KLHL29: variants seen among roughly 807,000 people sequenced by gnomAD.
The protein encoded by KLHL29 is kelch like family member 29.
In KLHL29, 21 loss-of-function variants were observed where a neutral mutation model predicts 80.4. That is an observed-to-expected ratio of 0.26 (90% confidence interval 0.19 to 0.38). The LOEUF is 0.38. Among genes scored for constraint, KLHL29 ranks in the 10% least tolerant of loss-of-function variants. The probability of loss-of-function intolerance (pLI) is 1.00; values close to 1 mark genes in which losing one functional copy is unlikely to be tolerated. For synonymous variants in KLHL29, 511 were observed against 526.8 expected (o/e 0.97, Z 0.41); for missense variants, 867 against 1,223.9 (o/e 0.71, Z 4.35).
At position 23,609,011 on chromosome 2, in the gene KLHL29, C is replaced by T. The variant is rs568495693; in HGVS notation, c.286-30128C>T. The stretch of plus-strand genomic sequence containing the variant: ...TGGAGGTTTAGTATGAGAGCTCATT[C>T]GAGAAGATTCTCCACTGAGAGTTGA... On this transcript the variant is annotated intron_variant, in intron 3 of 13. Transcript: ENST00000486442. 1.8e-4 allele frequency among the ~76,000 whole-genome samples: 28 copies of T among 152,284 alleles called. No individual in the cohort carries two copies. In the South Asian group the frequency reaches 4.8e-3, roughly 26 times the overall value.
chr2:23,675,357 C>T lies in KLHL29; in HGVS notation c.941-9042C>T, dbSNP rs77232152. 1.9e-3 allele frequency among the ~76,000 whole-genome samples: 296 copies of T among 152,294 alleles called. 2 individuals are homozygous for T. The highest frequency in any genetic ancestry group is 6.8e-3 in the African/African-American group (283 of 41,562). ...CCCACCCCCACCTCTGCAATGCCCA[C>T]CCTCTGGCCAGGTTCCTTGGGCTGG... is the stretch of plus-strand genomic sequence containing the variant. On this transcript the variant is annotated intron_variant, in intron 5 of 13. Coordinates refer to ENST00000486442, the MANE Select transcript of KLHL29 (RefSeq NM_052920.2).
intron 3 of KLHL29, among the ~76,000 whole-genome samples, chr2:23,623,333 A>G (rs1207791018): frequency 1.3e-5 from 2 of 152,106 alleles, no homozygotes; most frequent in Non-Finnish European, 2.9e-5. Flanking sequence ...CCAGGTTTAC[A>G]CGTTAGTGGC....
At position 23,598,314 on chromosome 2, in the gene KLHL29, G is replaced by A. The variant is rs368340591; in HGVS notation, c.285+35833G>A. On this transcript the variant is annotated intron_variant, in intron 3 of 13. Coordinates refer to ENST00000486442, the MANE Select transcript of KLHL29 (RefSeq NM_052920.2). ...TACCAAGATCATTTGCAAAGTAACTGATCTTGCAAGATGTTGAAGTCAGGT... is the reference window on the plus strand; with the variant it reads ...TACCAAGATCATTTGCAAAGTAACTAATCTTGCAAGATGTTGAAGTCAGGT... Among the ~76,000 whole-genome samples the A allele has an allele frequency of 9.8e-5, 15 of 152,304 alleles. No homozygotes were observed. The East Asian group carries it at 2.7e-3, about 27-fold the overall frequency.
chr2:23,537,405 G>A (rs928215044), intron 2 of KLHL29, among the ~76,000 whole-genome samples: 6 of 115,584 alleles, frequency 5.2e-5, no homozygotes, highest in African/African-American at 1.9e-4. Flanking sequence ...GATTCCTGCG[G>A]TGGGCAGAAA....
chr2:23,683,582 G>A (rs1671152092), intron 5 of KLHL29, among the ~76,000 whole-genome samples: 1 of 152,196 alleles, frequency 6.6e-6, no homozygotes, highest in South Asian at 2.1e-4. Context: ...CATGGGCCCG[G>A]GCACTGTCTG....
intron 2 of KLHL29, among the ~76,000 whole-genome samples, chr2:23,558,282 G>T (rs927606463): frequency 2.6e-5 from 4 of 152,194 alleles, no homozygotes; most frequent in Admixed American, 1.3e-4. Flanking sequence ...CCCCTTGTTG[G>T]CAGGTGAACC....
At chr2:23,597,401 ATATATATTTTTTTTTTTTTT>A (rs1668449746) in intron 3 of KLHL29, among the ~76,000 whole-genome samples, 5 of 55,300 alleles carry the variant, frequency 9.0e-5, no homozygotes, top group African/African-American at 2.7e-4. Context: ...ATATATATAT[ATATATATTTTTTTTTTTTTT>A]TTTTTTTTTT....
At chr2:23,386,642 G>A (rs1258403087) in intron 1 of KLHL29, among the ~76,000 whole-genome samples, 2 of 152,084 alleles carry the variant, frequency 1.3e-5, no homozygotes, top group African/African-American at 4.8e-5. Flanking sequence ...GGGAGCCCAG[G>A]GCTCGCGTCC....
At chr2:23,516,856 G>A (rs1471177578) in intron 2 of KLHL29, among the ~76,000 whole-genome samples, 1 of 152,236 alleles carries the variant, frequency 6.6e-6, no homozygotes, top group South Asian at 2.1e-4. Flanking sequence ...GAGGCAGGAG[G>A]CAGGAGGCAG....
intron 2 of KLHL29, among the ~76,000 whole-genome samples, chr2:23,487,256 C>T (rs1664958664): frequency 6.6e-6 from 1 of 152,134 alleles, no homozygotes; most frequent in Non-Finnish European, 1.5e-5. Context: ...TAGAGCAGAG[C>T]GTCTCCTTGC....
chr2:23,484,089 A>G (rs1258453111), intron 2 of KLHL29, among the ~76,000 whole-genome samples: 1 of 152,150 alleles, frequency 6.6e-6, no homozygotes, highest in Non-Finnish European at 1.5e-5. Flanking sequence ...CAAGAGGCCT[A>G]AAGACCATGA....
In KLHL29 at chr2:23,642,870, G is replaced by C; in HGVS notation, c.940+20G>C. ...CCAGAGGTAAGTCCTGCTGCCACGT[G>C]CCTCCCCACGGGCCTGCGTCTGCAC... On this transcript the variant is annotated intron_variant, in intron 5 of 13. Transcript: ENST00000486442. 2 of 1,550,314 alleles carry C rather than the reference G, an allele frequency of 1.3e-6. No homozygotes were observed. The highest frequency in any genetic ancestry group is 1.7e-6 in the Non-Finnish European group (2 of 1,146,802).
rs1670665567 is a variant in KLHL29, at chr2:23,669,995, A to G, written c.941-14404A>G. ...AGCTCAGCTGAAATGGTAGGGACCC[A>G]TGAAAAGTCCCATGCAGGGAGAATT... On this transcript the variant is annotated intron_variant, in intron 5 of 13. Coordinates refer to ENST00000486442, the MANE Select transcript of KLHL29 (RefSeq NM_052920.2). The surrounding 1 kb of genome is among the most constrained non-coding windows in gnomAD (Gnocchi z 4.3). Among the ~76,000 whole-genome samples the G allele has an allele frequency of 6.6e-6, 1 of 152,122 alleles. No individual in the cohort carries two copies. Among genetic ancestry groups the G allele is most frequent in the African/African-American group, 2.4e-5 (1 of 41,430 alleles).
intron 1 of KLHL29, among the ~76,000 whole-genome samples, chr2:23,459,463 G>A (rs1664149066): frequency 1.3e-5 from 2 of 152,244 alleles, no homozygotes; most frequent in African/African-American, 4.8e-5. Flanking sequence ...AGAGGGCCTG[G>A]CAAAACATCT....
At position 23,654,702 on chromosome 2, in the gene KLHL29, G is replaced by T. The variant is rs139763514; in HGVS notation, c.940+11852G>T. ...TCCAGAAGGGAACAGAGGTTGGGGG[G>T]GGGGGGTGGATGTTTTGTATGTGCC... On this transcript the variant is annotated intron_variant, in intron 5 of 13. Coordinates refer to ENST00000486442, the MANE Select transcript of KLHL29 (RefSeq NM_052920.2). 1.4e-3 allele frequency among the ~76,000 whole-genome samples: 158 copies of T among 114,814 alleles called. 12 individuals are homozygous for T. Among genetic ancestry groups the T allele is most frequent in the African/African-American group, 4.2e-3 (155 of 36,698 alleles). The allele number at this position is 114,814 out of a possible 152,430, so 75.3% of individuals were successfully genotyped here. A position where few individuals can be genotyped will look rare whatever the true frequency, so the allele number is the denominator to read the frequency against.
At chr2:23,516,832 G>T (rs1308284217) in intron 2 of KLHL29, among the ~76,000 whole-genome samples, 2 of 152,208 alleles carry the variant, frequency 1.3e-5, no homozygotes, top group Admixed American at 1.3e-4. Flanking sequence ...AAGCCTCACA[G>T]TTTGATCTGG....
chr2:23,409,563 G>A (rs1666813148), intron 1 of KLHL29, among the ~76,000 whole-genome samples: 1 of 152,226 alleles, frequency 6.6e-6, no homozygotes, highest in Admixed American at 6.5e-5. Flanking sequence ...GTTGCCATCA[G>A]CAATTCCTCT....
chr2:23,452,912 C>CA (rs554453898), intron 1 of KLHL29, among the ~76,000 whole-genome samples: 20,225 of 150,124 alleles, frequency 0.13, 2,235 homozygotes, highest in African/African-American at 0.29. Flanking sequence ...ACCCCCCCGC[C>CA]CACACACACA....
intron 3 of KLHL29, among the ~76,000 whole-genome samples, chr2:23,595,777 C>T (rs1668379690): frequency 6.6e-6 from 1 of 152,184 alleles, no homozygotes; most frequent in Non-Finnish European, 1.5e-5. Context: ...CTGCCCTCTG[C>T]AGGTCCTCCT....
Sources: gnomAD v4.1 joint callset for allele counts (sites outside exome capture counted in the v4.1 genomes callset) on GRCh38, gnomAD v4.1.1 for gene constraint, Gnocchi (gnomAD v3.1) non-coding constraint, MANE v1.5 for transcripts, NCBI Gene and HGNC (gene_info 2026-07-23, HGNC 2026-07-21) for gene names.